ADGRL3: variants seen among roughly 807,000 people sequenced by gnomAD.
ADGRL3 encodes the protein calcium-independent alpha-latrotoxin receptor 3.
ADGRL3 carries 62 observed loss-of-function variants against 153.5 expected under a neutral mutation model. The observed-to-expected ratio is 0.40, with a 90% CI of 0.33 to 0.50. The LOEUF is 0.50. Ranked by LOEUF, ADGRL3 falls within the 20% of genes least tolerant of loss-of-function variation. ADGRL3 has a pLI of 0.47. For missense variants in ADGRL3, 1,641 were observed against 1,859.4 expected (o/e 0.88, Z 2.16); for synonymous variants, 710 against 672.5 (o/e 1.06, Z -0.86).
At position 61,956,442 on chromosome 4, in the gene ADGRL3, T is replaced by C. The variant is rs1008172483; in HGVS notation, c.2805+8166T>C. Among the ~76,000 whole-genome samples, 4 of 152,328 alleles carry C rather than the reference T, an allele frequency of 2.6e-5. No homozygotes were observed. In the East Asian group the frequency reaches 7.7e-4, roughly 29 times the overall value. Reference sequence around the variant, plus strand: ...ATGTAAATTCTGGATATTTGACTCTTGTCAGATGGGTAGATTGCAAAATTT... The same window carrying C: ...ATGTAAATTCTGGATATTTGACTCTCGTCAGATGGGTAGATTGCAAAATTT... On this transcript the variant is annotated intron_variant, in intron 17 of 26. Transcript: ENST00000683033.
At chr4:61,419,769 T>A (rs1356048400) in intron 2 of ADGRL3, among the ~76,000 whole-genome samples, 1 of 152,140 alleles carries the variant, frequency 6.6e-6, no homozygotes, top group Non-Finnish European at 1.5e-5. Flanking sequence ...TATTTAGATT[T>A]ATTTTCACAG....
intron 9 of ADGRL3, among the ~76,000 whole-genome samples, chr4:61,869,960 AAG>A (rs1311740882): frequency 1.3e-3 from 128 of 101,862 alleles, no homozygotes; most frequent in African/African-American, 4.7e-3. Flanking sequence ...AAAAAAAAAA[AAG>A]AGAGAGAGAG....
intron 8 of ADGRL3, among the ~76,000 whole-genome samples, chr4:61,805,410 C>T (rs2097543348): frequency 6.6e-6 from 1 of 152,196 alleles, no homozygotes; most frequent in African/African-American, 2.4e-5. Flanking sequence ...AGCAGGCCAA[C>T]TTCCTTGGCT....
At chr4:61,792,986 A>G (rs2097362283) in intron 8 of ADGRL3, among the ~76,000 whole-genome samples, 1 of 152,072 alleles carries the variant, frequency 6.6e-6, no homozygotes, top group Non-Finnish European at 1.5e-5. Flanking sequence ...TTACCAAAAA[A>G]AAAAAAAAAG....
At chr4:61,754,219 C>A (rs2096792461) in intron 8 of ADGRL3, among the ~76,000 whole-genome samples, 1 of 152,070 alleles carries the variant, frequency 6.6e-6, no homozygotes, top group African/African-American at 2.4e-5. Context: ...GCAATATAAC[C>A]AATGTTTCTA....
rs75972844 is a variant in ADGRL3, at chr4:61,918,928, G to A, written c.2112+6171G>A. On this transcript the variant is annotated intron_variant, in intron 13 of 26. Coordinates refer to ENST00000683033, the MANE Select transcript of ADGRL3 (RefSeq NM_001387552.1). Reference sequence around the variant, plus strand: ...CCAGTTTTACTTGCGTGCCTTTGGTGCATAAGACAAGAAGGATTCTAAGCT... The same window carrying A: ...CCAGTTTTACTTGCGTGCCTTTGGTACATAAGACAAGAAGGATTCTAAGCT... 5.1e-3 allele frequency among the ~76,000 whole-genome samples: 783 copies of A among 152,290 alleles called. 4 individuals carry two copies. The highest frequency in any genetic ancestry group is 0.018 in the African/African-American group (751 of 41,560).
At chr4:61,581,382 G>T (rs1336967695) in intron 4 of ADGRL3, among the ~76,000 whole-genome samples, 1 of 138,346 alleles carries the variant, frequency 7.2e-6, no homozygotes, top group Non-Finnish European at 1.5e-5. Flanking sequence ...ATCCAGGGGT[G>T]TGTTTTTCAC....
At chr4:61,741,620 T>C (rs191856161) in intron 8 of ADGRL3, among the ~76,000 whole-genome samples, 1 of 152,364 alleles carries the variant, frequency 6.6e-6, no homozygotes, top group Admixed American at 6.5e-5. Context: ...CTTACGCTTT[T>C]TTTTAAACCT....
At chr4:61,409,381 T>C (rs984978335) in intron 2 of ADGRL3, among the ~76,000 whole-genome samples, 5 of 123,868 alleles carry the variant, frequency 4.0e-5, no homozygotes, top group African/African-American at 1.1e-4. Context: ...AAGACATATA[T>C]TATATATATA....
chr4:61,369,358 C>T (rs1034512449), intron 1 of ADGRL3, among the ~76,000 whole-genome samples: 5 of 152,128 alleles, frequency 3.3e-5, no homozygotes, highest in African/African-American at 1.2e-4. Flanking sequence ...ATGAGATTGG[C>T]TGTGGGTTTG....
At chr4:61,762,560 A>G (rs1296525979) in intron 8 of ADGRL3, among the ~76,000 whole-genome samples, 1 of 152,182 alleles carries the variant, frequency 6.6e-6, no homozygotes, top group African/African-American at 2.4e-5. Flanking sequence ...AACAATACTT[A>G]TTTATTTAAC....
intron 8 of ADGRL3, among the ~76,000 whole-genome samples, chr4:61,786,832 A>G (rs1364501238): frequency 6.6e-6 from 1 of 152,188 alleles, no homozygotes; most frequent in Non-Finnish European, 1.5e-5. Context: ...ATGTATAAAT[A>G]AAATCAAATA....
At chr4:61,623,321 G>C (rs1307693464) in intron 5 of ADGRL3, among the ~76,000 whole-genome samples, 1 of 152,026 alleles carries the variant, frequency 6.6e-6, no homozygotes, top group Admixed American at 6.6e-5. Context: ...CTTTCCAAGA[G>C]ACCATCCCAA....
At chr4:61,591,412 A>C (rs1245746270) in intron 5 of ADGRL3, among the ~76,000 whole-genome samples, 1 of 151,836 alleles carries the variant, frequency 6.6e-6, no homozygotes, top group African/African-American at 2.4e-5. Context: ...TCCTTCCCCA[A>C]CCTGTGCAGT....
chr4:61,677,444 T>C (rs2095232051), intron 6 of ADGRL3: 1 of 348,458 alleles, frequency 2.9e-6, no homozygotes, highest in South Asian at 2.3e-5. Context: ...CTCTTCAGAC[T>C]ATATGTTTTA....
chr4:61,287,444 C>G (rs2093981137), intron 1 of ADGRL3, among the ~76,000 whole-genome samples: 1 of 151,644 alleles, frequency 6.6e-6, no homozygotes, highest in South Asian at 2.1e-4. Context: ...GAAAAATTAC[C>G]TAAATGAAAA....
chr4:62,007,623 GTC>G (rs2099166493), intron 21 of ADGRL3, among the ~76,000 whole-genome samples: 1 of 150,952 alleles, frequency 6.6e-6, no homozygotes, highest in South Asian at 2.1e-4. Flanking sequence ...CTCACTGCCT[GTC>G]TTCCTTCTCT....
chr4:61,224,835 C>T (rs1274886551), intron 1 of ADGRL3, among the ~76,000 whole-genome samples: 3 of 152,180 alleles, frequency 2.0e-5, no homozygotes, highest in South Asian at 2.1e-4. Flanking sequence ...GAGTGGATGG[C>T]GACACACAAC....
At chr4:61,471,990 G>A (rs1017273164) in intron 2 of ADGRL3, among the ~76,000 whole-genome samples, 13 of 151,976 alleles carry the variant, frequency 8.6e-5, no homozygotes, top group African/African-American at 3.1e-4. Context: ...TACAATAAAT[G>A]TATTTAAGAA....
Sources: allele counts gnomAD v4.1 joint callset (sites outside exome capture counted in the v4.1 genomes callset), GRCh38; gene constraint gnomAD v4.1.1; transcripts MANE v1.5; gene names NCBI Gene and HGNC (gene_info 2026-07-23, HGNC 2026-07-21).